Variants in TTC7B observed in about 807,000 individuals in gnomAD.
TTC7B encodes tetratricopeptide repeat protein 7B.
A neutral mutation model predicts 106.8 loss-of-function variants in TTC7B; 28 were observed. That is an observed-to-expected ratio of 0.26 (90% CI 0.19 to 0.36). TTC7B has a LOEUF of 0.36. Among genes scored for constraint, TTC7B ranks in the 10% least tolerant of loss-of-function variants. TTC7B has a pLI of 1.00. For synonymous variants in TTC7B, 405 were observed against 430.6 expected (o/e 0.94, Z 0.74); for missense variants, 862 against 1,076.4 (o/e 0.80, Z 2.79).
intron 3 of TTC7B, among the ~76,000 whole-genome samples, chr14:90,771,686 A>C (rs1318029879): frequency 1.3e-5 from 2 of 152,050 alleles, no homozygotes; most frequent in African/African-American, 2.4e-5. Context: ...TGGAAAAATA[A>C]TTGTACACAC....
chr14:90,597,919 A>G (rs1892275707), intron 17 of TTC7B, among the ~76,000 whole-genome samples: 3 of 152,252 alleles, frequency 2.0e-5, no homozygotes, highest in Non-Finnish European at 4.4e-5. Context: ...TGAAAAAGGA[A>G]TCAGAAGTTA....
At position 90,607,868 on chromosome 14, in the gene TTC7B, C is replaced by T. The variant is rs79291867; in HGVS notation, c.1966+2874G>A. Among the ~76,000 whole-genome samples the T allele has an allele frequency of 1.9e-3, 292 of 152,256 alleles. 3 individuals carry two copies. Among genetic ancestry groups the T allele is most frequent in the African/African-American group, 6.6e-3 (275 of 41,544 alleles). On this transcript the variant is annotated intron_variant, in intron 17 of 19. Transcript: ENST00000328459. ...TATGTAAAGGGGCAGAGGAAAGATA[C>T]ATATGCTTGTTTGCATGAAAAAATA...
intron 3 of TTC7B, among the ~76,000 whole-genome samples, chr14:90,771,286 A>G (rs73332732): frequency 0.049 from 7,429 of 152,252 alleles, 310 homozygotes; most frequent in African/African-American, 0.11. Context: ...TAGATGTTTC[A>G]TGGGCAGCTA....
intron 8 of TTC7B, among the ~76,000 whole-genome samples, chr14:90,677,329 G>A (rs948445302): frequency 6.6e-6 from 1 of 152,192 alleles, no homozygotes; most frequent in African/African-American, 2.4e-5. Context: ...GGACTCAAGA[G>A]AACACCGTCA....
intron 7 of TTC7B, among the ~76,000 whole-genome samples, chr14:90,687,977 G>A (rs1348136765): frequency 6.6e-6 from 1 of 152,216 alleles, no homozygotes; most frequent in Non-Finnish European, 1.5e-5. Context: ...AAGTACAACA[G>A]TCATTTTCAG....
intron 6 of TTC7B, among the ~76,000 whole-genome samples, chr14:90,695,144 A>G (rs1887681082): frequency 7.3e-6 from 1 of 136,098 alleles, no homozygotes; most frequent in Non-Finnish European, 1.5e-5. Flanking sequence ...ATTTTATTTT[A>G]TATAAAATAA....
intron 1 of TTC7B, among the ~76,000 whole-genome samples, chr14:90,788,456 A>G (rs923014330): frequency 6.6e-6 from 1 of 152,204 alleles, no homozygotes; most frequent in Non-Finnish European, 1.5e-5. Context: ...AGAGCCACAG[A>G]ACAAATATGA....
At chr14:90,655,148 C>A in intron 11 of TTC7B, 38 bp from the exon 12 acceptor site, 2 of 1,508,806 alleles carry the variant, frequency 1.3e-6, no homozygotes, top group Non-Finnish European at 1.8e-6. Context: ...CAACAACCTG[C>A]AGAATTTCTA....
Position 90,539,845 on chromosome 14 carries a change from T to G in TTC7B, c.*1523A>C, listed in dbSNP as rs747895710. The stretch of plus-strand genomic sequence containing the variant: ...CATGGTGGCAAGAGGGCTGCTGCAG[T>G]TCCAGCCTCACTTCTCAGCTTGAAA... On this transcript the variant is annotated 3_prime_UTR_variant, in exon 20 of 20. Transcript: ENST00000328459. The G allele has an allele frequency of 6.6e-6, 1 of 152,280 alleles. No individual in the cohort carries two copies. Among genetic ancestry groups the G allele is most frequent in the Non-Finnish European group, 1.5e-5 (1 of 68,080 alleles). 9.4% of individuals were successfully genotyped at this position (152,280 alleles called of 1,614,324 possible).
At chr14:90,662,294 G>A (rs140379440) in intron 9 of TTC7B, among the ~76,000 whole-genome samples, 192 of 152,314 alleles carry the variant, frequency 1.3e-3, no homozygotes, top group African/African-American at 4.4e-3. Context: ...ACCTGAGTGA[G>A]CTGGGACCTC....
intron 18 of TTC7B, among the ~76,000 whole-genome samples, chr14:90,590,137 C>G (rs1390418478): frequency 6.6e-6 from 1 of 152,120 alleles, no homozygotes; most frequent in Non-Finnish European, 1.5e-5. Flanking sequence ...TGTGGCTTTT[C>G]AATTGTGTGC....
At chr14:90,576,138 A>G (rs1243914644) in intron 19 of TTC7B, among the ~76,000 whole-genome samples, 1 of 152,146 alleles carries the variant, frequency 6.6e-6, no homozygotes, top group Non-Finnish European at 1.5e-5. Context: ...CTTTTGTCTC[A>G]TGTGTTCCCC....
intron 16 of TTC7B, among the ~76,000 whole-genome samples, chr14:90,617,645 G>A (rs896278496): frequency 6.6e-6 from 1 of 152,200 alleles, no homozygotes; most frequent in Non-Finnish European, 1.5e-5. Context: ...GTAAACGGGT[G>A]TTAGAGAGAA....
rs1352150561 is a variant in TTC7B, at chr14:90,541,216, C to T, written c.*152G>A. ...AACGCACATGGCGAGAGCGATGATT[C>T]GGGGTTGGTTTGGTTGGTTCACTGT... is the stretch of plus-strand genomic sequence containing the variant. On this transcript the variant is annotated 3_prime_UTR_variant, in exon 20 of 20. Coordinates refer to ENST00000328459, the MANE Select transcript of TTC7B (RefSeq NM_001010854.2). 1.4e-5 allele frequency: 8 copies of T among 579,002 alleles called. No homozygotes were observed. The highest frequency in any genetic ancestry group is 5.9e-5 in the East Asian group (2 of 33,742). 35.9% of individuals were successfully genotyped at this position (579,002 alleles called of 1,614,324 possible).
chr14:90,545,749 G>A (rs1020421803), intron 19 of TTC7B, among the ~76,000 whole-genome samples: 5 of 152,200 alleles, frequency 3.3e-5, no homozygotes, highest in African/African-American at 9.7e-5. Context: ...GCAGGGTATG[G>A]GACAGGGGCA....
At chr14:90,760,991 C>T (rs559497397) in intron 3 of TTC7B, among the ~76,000 whole-genome samples, 5 of 152,300 alleles carry the variant, frequency 3.3e-5, no homozygotes, top group South Asian at 2.1e-4. Context: ...CTCCTGAAAT[C>T]GCCTTTGCAA....
chr14:90,705,232 G>T (rs1041277759), intron 5 of TTC7B, among the ~76,000 whole-genome samples: 2 of 152,198 alleles, frequency 1.3e-5, no homozygotes, highest in Non-Finnish European at 2.9e-5. Flanking sequence ...AAAGGTCACA[G>T]TCACTGCCCA....
chr14:90,733,774 A>C (rs1566861599), intron 4 of TTC7B, among the ~76,000 whole-genome samples: 1 of 152,160 alleles, frequency 6.6e-6, no homozygotes. Context: ...CTGCTCACCC[A>C]CCATTCGCGG....
intron 5 of TTC7B, among the ~76,000 whole-genome samples, chr14:90,714,763 C>T (rs998772739): frequency 3.3e-5 from 5 of 151,958 alleles, no homozygotes; most frequent in Admixed American, 6.6e-5. Flanking sequence ...CGCCTATATA[C>T]ATTTATTAAA....
Sources: allele counts gnomAD v4.1 joint callset (sites outside exome capture counted in the v4.1 genomes callset), GRCh38; gene constraint gnomAD v4.1.1; transcripts MANE v1.5; gene names NCBI Gene and HGNC (gene_info 2026-07-23, HGNC 2026-07-21).